Variants in KIAA0232 observed in about 807,000 individuals in gnomAD.
KIAA0232 encodes KIAA0232, also known as uncharacterized protein KIAA0232.
Under a neutral mutation model 122.0 loss-of-function variants are expected in KIAA0232, and 27 were observed. The observed-to-expected ratio is 0.22, with a 90% CI of 0.16 to 0.31. KIAA0232 has a LOEUF of 0.31. Among genes scored for constraint, KIAA0232 ranks in the 10% least tolerant of loss-of-function variants. The pLI, the probability that KIAA0232 is intolerant of heterozygous loss-of-function variation, is 1.00. For synonymous variants in KIAA0232, 613 were observed against 587.6 expected (o/e 1.04, Z -0.63); for missense variants, 1,551 against 1,634.2 (o/e 0.95, Z 0.88).
intron 1 of KIAA0232, among the ~76,000 whole-genome samples, chr4:6,783,754 T>A (rs1398958171): frequency 1.3e-5 from 2 of 152,020 alleles, no homozygotes; most frequent in Admixed American, 6.5e-5. Flanking sequence ...AGGTTACAGC[T>A]GGAGCTAGGA....
chr4:6,843,314 C>T (rs115169057), intron 4 of KIAA0232, among the ~76,000 whole-genome samples: 2,325 of 152,298 alleles, frequency 0.015, 55 homozygotes, highest in African/African-American at 0.053. Flanking sequence ...CCTCCAGAAA[C>T]TTCCTTCCTG....
intron 1 of KIAA0232, among the ~76,000 whole-genome samples, chr4:6,790,007 T>A (rs1577351575): frequency 6.6e-6 from 1 of 151,828 alleles, no homozygotes; most frequent in African/African-American, 2.4e-5. Flanking sequence ...CCAGCCTGGG[T>A]GACTGAGCGA....
chr4:6,815,673 C>T (rs894250412), intron 2 of KIAA0232, among the ~76,000 whole-genome samples: 3 of 152,162 alleles, frequency 2.0e-5, no homozygotes, highest in Non-Finnish European at 4.4e-5. Context: ...TACTTGTCAG[C>T]CTTTACTTTC....
intron 9 of KIAA0232, among the ~76,000 whole-genome samples, chr4:6,878,320 A>G (rs1721858910): frequency 6.6e-6 from 1 of 152,220 alleles, no homozygotes; most frequent in African/African-American, 2.4e-5. Flanking sequence ...GATTGCAGTG[A>G]GCTGAGATCG....
In KIAA0232 at chr4:6,824,609, T is replaced by C. The variant is rs1446493595; in HGVS notation, c.156T>C (p.Ile52=). ...GACAAGAGCTCGAGAAATGTGGCAT[T>C]GATGCCATGATTTACACTCGGTATG... is the stretch of plus-strand genomic sequence containing the variant. The part of the protein sequence containing the change: ...WLGQELEKCG[I]DAMIYTRYVL... The change falls in exon 3 of 10, where the codon ATT becomes ATC. Residue 52 remains isoleucine, a synonymous_variant. Coordinates refer to ENST00000307659, the MANE Select transcript of KIAA0232 (RefSeq NM_014743.3). The C allele has an allele frequency of 3.1e-6, 5 of 1,614,098 alleles. No homozygotes were observed. The highest frequency in any genetic ancestry group is 4.2e-6 in the Non-Finnish European group (5 of 1,180,034).
At position 6,843,927 on chromosome 4, in the gene KIAA0232, C is replaced by CTTTTTTTTTTTTTTTTT. The variant is rs373793407; in HGVS notation, c.369+1739_369+1755dup. ...GGCGCAAGGACCGTGAGTTACCCATCTTTTTTTTTTTTTTTTTTTTTTTTT... is the reference window on the plus strand; with the variant it reads ...GGCGCAAGGACCGTGAGTTACCCATCTTTTTTTTTTTTTTTTTTTTTTTTTTTTTTTTTTTTTTTTTT... On this transcript the variant is annotated intron_variant, in intron 4 of 9. Coordinates refer to ENST00000307659, the MANE Select transcript of KIAA0232 (RefSeq NM_014743.3). Among the ~76,000 whole-genome samples, 7 of 46,360 alleles carry CTTTTTTTTTTTTTTTTT rather than the reference C, an allele frequency of 1.5e-4. 1 individual carries two copies. The highest frequency in any genetic ancestry group is 4.8e-4 in the African/African-American group (7 of 14,678). The allele number at this position is 46,360 out of a possible 152,430, so 30.4% of individuals were successfully genotyped here. A position where few individuals can be genotyped will look rare whatever the true frequency, so the allele number is the denominator to read the frequency against.
chr4:6,837,343 A>C (rs1169905098), intron 3 of KIAA0232, among the ~76,000 whole-genome samples: 1 of 142,220 alleles, frequency 7.0e-6, no homozygotes. Flanking sequence ...TGCTCCCCAC[A>C]TCCCAGACGA....
At chr4:6,842,762 A>G (rs535402953) in intron 4 of KIAA0232, among the ~76,000 whole-genome samples, 58 of 151,736 alleles carry the variant, frequency 3.8e-4, no homozygotes, top group Non-Finnish European at 7.1e-4. Flanking sequence ...ATTTTTTTGC[A>G]TTTTTTAGTA....
intron 1 of KIAA0232, among the ~76,000 whole-genome samples, chr4:6,801,296 C>T (rs1577358387): frequency 6.6e-6 from 1 of 152,104 alleles, no homozygotes; most frequent in African/African-American, 2.4e-5. Flanking sequence ...CTAGTGGCTA[C>T]CATATTCATT....
chr4:6,851,150 T>C (rs1043867290), intron 4 of KIAA0232, among the ~76,000 whole-genome samples: 2 of 152,242 alleles, frequency 1.3e-5, no homozygotes, highest in African/African-American at 4.8e-5. Flanking sequence ...ACTTTTCTTA[T>C]ATGAATTACT....
intron 4 of KIAA0232, among the ~76,000 whole-genome samples, chr4:6,847,871 A>AAC (rs1720052121): frequency 6.6e-6 from 1 of 151,732 alleles, no homozygotes; most frequent in Admixed American, 6.6e-5. Flanking sequence ...TTAAAAAAAA[A>AAC]AACTACTTAT....
Position 6,842,104 on chromosome 4 carries a change from A to AT in KIAA0232, c.270dup (p.Lys91Ter). 1.9e-6 allele frequency: 3 copies of AT among 1,613,734 alleles called. No homozygotes were observed. Among genetic ancestry groups the AT allele is most frequent in the Non-Finnish European group, 2.5e-6 (3 of 1,179,904 alleles). ...TTCCTGGGCTGGGAAAAAGGAGCTT[A>AT]TAAGAAATGGGGAAAGAGTAAGAAA... On this transcript the variant is annotated frameshift_variant, in exon 4 of 10. Transcript: ENST00000307659. LOFTEE classifies it high-confidence loss of function.
At chr4:6,858,645 T>G in intron 6 of KIAA0232, 139 bp downstream of exon 6, 1 of 574,464 alleles carries the variant, frequency 1.7e-6, no homozygotes, top group Admixed American at 3.6e-5. Flanking sequence ...CGAGCGCTTA[T>G]ATGCTTGACA....
chr4:6,849,585 C>T (rs1226808417), intron 4 of KIAA0232, among the ~76,000 whole-genome samples: 1 of 152,174 alleles, frequency 6.6e-6, no homozygotes, highest in Non-Finnish European at 1.5e-5. Context: ...CACTGCACTG[C>T]AGCCTGGGCA....
intron 4 of KIAA0232, among the ~76,000 whole-genome samples, chr4:6,843,596 C>A (rs913276180): frequency 1.7e-4 from 26 of 152,062 alleles, no homozygotes; most frequent in Admixed American, 1.3e-4. Context: ...ATAGTGAAAC[C>A]CCATCTCTAC....
rs765954864 is a variant in KIAA0232 at position 6,863,269 on chromosome 4, G to A, written c.2887G>A (p.Ala963Thr). The part of the protein sequence containing the change: ...HTKGSLLQCA[A>T]SDVVTIAGTD... ...AAAAGGAAGTCTGTTACAGTGTGCAGCTTCTGATGTTGTGACGATAGCTGG... is the reference window on the plus strand; with the variant it reads ...AAAAGGAAGTCTGTTACAGTGTGCAACTTCTGATGTTGTGACGATAGCTGG... Residue 963 changes from alanine (A) to threonine (T), a missense_variant, in exon 7 of 10, where the codon GCT (alanine) becomes ACT (threonine). This residue lies in a region of KIAA0232 where 1,108 missense variants were observed against 1,154.8 expected (regional missense o/e 0.96). Transcript: ENST00000307659. 4 of 1,614,140 alleles carry A rather than the reference G, an allele frequency of 2.5e-6. No individual in the cohort carries two copies. The highest frequency in any genetic ancestry group is 3.4e-6 in the Non-Finnish European group (4 of 1,180,034).
chr4:6,876,263 G>C (rs1227955911), intron 8 of KIAA0232, among the ~76,000 whole-genome samples: 1 of 152,174 alleles, frequency 6.6e-6, no homozygotes, highest in Non-Finnish European at 1.5e-5. Context: ...AACGTGCTAT[G>C]ATGCACCATC....
At chr4:6,837,070 A>G (rs1719334505) in intron 3 of KIAA0232, among the ~76,000 whole-genome samples, 1 of 152,128 alleles carries the variant, frequency 6.6e-6, no homozygotes, top group Admixed American at 6.5e-5. Context: ...TACACCTCCC[A>G]GACGGGGTGG....
intron 8 of KIAA0232, among the ~76,000 whole-genome samples, chr4:6,872,039 A>G (rs546286907): frequency 3.9e-5 from 6 of 152,338 alleles, no homozygotes; most frequent in East Asian, 1.9e-4. Context: ...ACAGGGCTCC[A>G]TGGCTCAGCT....
Sources: gnomAD v4.1 joint callset for allele counts (sites outside exome capture counted in the v4.1 genomes callset) on GRCh38, gnomAD v4.1.1 for gene constraint, gnomAD v4.1.1 regional missense constraint, MANE v1.5 for transcripts, NCBI Gene and HGNC (gene_info 2026-07-23, HGNC 2026-07-21) for gene names.